The following PASD1 variants were observed in gnomAD, a reference collection of about 807,000 sequenced individuals.
PASD1 encodes the protein circadian clock protein PASD1.
In PASD1, 13 loss-of-function variants were observed where a neutral mutation model predicts 58.8. The observed-to-expected ratio is 0.22, with a 90% CI of 0.14 to 0.35. The LOEUF (loss-of-function observed/expected upper bound fraction) is 0.35. Among genes scored for constraint, PASD1 ranks in the 10% least tolerant of loss-of-function variants. The probability of loss-of-function intolerance (pLI) is 1.00; values close to 1 mark genes in which losing one functional copy is unlikely to be tolerated. For synonymous variants in PASD1, 236 were observed against 216.7 expected, an observed-to-expected ratio of 1.09 and a Z score of -0.78; for missense variants, 734 against 568.3, an observed-to-expected ratio of 1.29 and a Z score of -2.96.
At chrX:151,597,493 T>C (rs1225827491) in intron 1 of PASD1, among the ~76,000 whole-genome samples, 1 of 111,908 alleles carries the variant, frequency 8.9e-6, no homozygotes, top group Non-Finnish European at 1.9e-5. Context: ...CTTTTTACTA[T>C]GTTGTATTTA....
intron 8 of PASD1, among the ~76,000 whole-genome samples, chrX:151,643,052 G>C (rs1422296592): frequency 1.8e-5 from 2 of 111,925 alleles, no homozygotes; most frequent in African/African-American, 6.5e-5. Flanking sequence ...TCCAACGATA[G>C]TCTTAAACTC....
At chrX:151,617,084 C>T (rs900665341) in intron 4 of PASD1, among the ~76,000 whole-genome samples, 1 of 111,351 alleles carries the variant, frequency 9.0e-6, no homozygotes, top group African/African-American at 3.3e-5. Flanking sequence ...ATTTGTGTGA[C>T]AACTAATAGA....
At position 151,664,282 on chromosome X, in the gene PASD1, A is replaced by C; in HGVS notation, c.1005A>C (p.Ala335=). ...PENPVAPLDQ[A]GLMDPVDPED... is the part of the protein sequence containing the mutation. ...ACCCAGTTGCCCCGTTGGACCAGGC[A>C]GGCCTGATGGATCCAGTGGATCCAG... Residue 335 remains alanine (A), a synonymous_variant, in exon 11 of 16, where the codon GCA becomes GCC. Coordinates refer to ENST00000370357, the MANE Select transcript of PASD1 (RefSeq NM_173493.3). The C allele has an allele frequency of 1.7e-6, 2 of 1,211,519 alleles. No homozygotes were observed. The highest frequency in any genetic ancestry group is 2.2e-6 in the Non-Finnish European group (2 of 895,432).
chrX:151,625,053 CTATTT>C (rs1458373791), intron 7 of PASD1, among the ~76,000 whole-genome samples: 7 of 112,178 alleles, frequency 6.2e-5, no homozygotes, highest in African/African-American at 2.3e-4. Flanking sequence ...ACAAGGAACT[CTATTT>C]GTGTTCTAGT....
At chrX:151,606,994 A>G (rs1468534441) in intron 3 of PASD1, among the ~76,000 whole-genome samples, 1 of 111,794 alleles carries the variant, frequency 8.9e-6, no homozygotes, top group East Asian at 2.8e-4. Flanking sequence ...AACACTTAAA[A>G]AAATAGTACA....
chrX:151,671,549 C>G (rs942593089), intron 12 of PASD1, 24 bp from the exon 13 acceptor site: 1 of 1,200,323 alleles, frequency 8.3e-7, no homozygotes, highest in Admixed American at 2.2e-5. Context: ...TGAATAAGAC[C>G]TTTGTGATAC....
chrX:151,636,812 A>G (rs1416173329), intron 8 of PASD1, among the ~76,000 whole-genome samples: 1 of 111,447 alleles, frequency 9.0e-6, no homozygotes, highest in Non-Finnish European at 1.9e-5. Context: ...AGAAAGCTAT[A>G]GATTCATTCA....
chrX:151,616,884 C>T (rs2013643857), intron 4 of PASD1, among the ~76,000 whole-genome samples: 1 of 111,232 alleles, frequency 9.0e-6, no homozygotes, highest in African/African-American at 3.3e-5. Flanking sequence ...CTGCCTAAAT[C>T]TCCTGCAGAG....
intron 1 of PASD1, among the ~76,000 whole-genome samples, chrX:151,598,398 A>C (rs1049982225): frequency 9.0e-6 from 1 of 111,293 alleles, no homozygotes; most frequent in Non-Finnish European, 1.9e-5. Flanking sequence ...TTTCACTGTG[A>C]TATTTCTAGG....
chrX:151,614,840 T>TA (rs2013617884), intron 4 of PASD1, among the ~76,000 whole-genome samples: 1 of 111,605 alleles, frequency 9.0e-6, no homozygotes, highest in Non-Finnish European at 1.9e-5. Flanking sequence ...TATACCCTTT[T>TA]AAAAAAAATT....
At position 151,676,039 on chromosome X, in the gene PASD1, C is replaced by T; in HGVS notation, c.2218C>T (p.Gln740Ter). ...EVGVEGPPDP[Q>*]AFQGPAAYQP... is the part of the protein sequence containing the mutation. The stretch of plus-strand genomic sequence containing the variant: ...AGGAGTCGAGGGACCTCCTGATCCA[C>T]AGGCTTTCCAAGGCCCTGCTGCATA... Residue 740 changes from glutamine to a stop codon, truncating the protein, a stop_gained, in exon 16 of 16, where the codon CAG (glutamine) becomes TAG (stop). Coordinates refer to ENST00000370357, the MANE Select transcript of PASD1 (RefSeq NM_173493.3). LOFTEE classifies it low-confidence loss of function (END_TRUNC). The T allele has an allele frequency of 1.7e-6, 2 of 1,211,460 alleles. No individual in the cohort carries two copies. Among genetic ancestry groups the T allele is most frequent in the East Asian group, 3.0e-5 (1 of 33,844 alleles).
At chrX:151,600,649 C>T (rs961937260) in intron 1 of PASD1, among the ~76,000 whole-genome samples, 12 of 109,960 alleles carry the variant, frequency 1.1e-4, no homozygotes, top group Admixed American at 3.9e-4. Flanking sequence ...AATTCCACTT[C>T]GCTGTTTGGG....
In PASD1 at chrX:151,613,631, G is replaced by C. The variant is rs1028580127; in HGVS notation, c.207+1878G>C. On this transcript the variant is annotated intron_variant, in intron 4 of 15. Coordinates refer to ENST00000370357, the MANE Select transcript of PASD1 (RefSeq NM_173493.3). ...TTGGCTCTCTTGTTTGTCTGATATT[G>C]GTGTATGAGAATGCTGGTGATTTTT... Among the ~76,000 whole-genome samples, 45 of 111,446 alleles carry C rather than the reference G, an allele frequency of 4.0e-4. 1 individual carries two copies. Among genetic ancestry groups the C allele is most frequent in the Middle Eastern group, 4.6e-3 (1 of 219 alleles).
At chrX:151,611,863 A>G (rs910100590) in intron 4 of PASD1, 110 bp downstream of exon 4, 2 of 516,707 alleles carry the variant, frequency 3.9e-6, no homozygotes, top group Non-Finnish European at 6.2e-6. Flanking sequence ...ACATGTGCAC[A>G]ACGTGCAGGT....
At chrX:151,582,927 A>T (rs2013118704) in intron 1 of PASD1, among the ~76,000 whole-genome samples, 1 of 112,152 alleles carries the variant, frequency 8.9e-6, no homozygotes, top group Non-Finnish European at 1.9e-5. Context: ...CTGAAAAGTT[A>T]TTGGACATAA....
chrX:151,631,035 T>C (rs1356828744), intron 8 of PASD1, among the ~76,000 whole-genome samples: 2 of 112,240 alleles, frequency 1.8e-5, no homozygotes, highest in Non-Finnish European at 3.8e-5. Context: ...GCTGTCTTGC[T>C]ACTGCTAAGA....
intron 3 of PASD1, among the ~76,000 whole-genome samples, chrX:151,610,430 C>G (rs2013541345): frequency 9.0e-6 from 1 of 110,760 alleles, no homozygotes; most frequent in African/African-American, 3.3e-5. Context: ...TCTCTTGTTT[C>G]TTCATATTTC....
At chrX:151,571,276 A>G (rs1422055388) in intron 1 of PASD1, among the ~76,000 whole-genome samples, 1 of 111,853 alleles carries the variant, frequency 8.9e-6, no homozygotes. Flanking sequence ...ATTATGCAAA[A>G]CAACATTATG....
In PASD1 at chrX:151,649,142, A is replaced by G. The variant is rs2014099557; in HGVS notation, c.717+440A>G. 2.7e-5 allele frequency among the ~76,000 whole-genome samples: 3 copies of G among 111,892 alleles called. No homozygotes were observed. The Admixed American group carries it at 2.8e-4, about 11-fold the overall frequency. On this transcript the variant is annotated intron_variant, in intron 9 of 15. Transcript: ENST00000370357. The stretch of plus-strand genomic sequence containing the variant: ...CCTTAAGGGACATACATTAATAGAA[A>G]TCTACCTGGGTCTACCCTCAGTGAT...
Sources: allele counts gnomAD v4.1 joint callset (sites outside exome capture counted in the v4.1 genomes callset), GRCh38; gene constraint gnomAD v4.1.1; transcripts MANE v1.5; gene names NCBI Gene and HGNC (gene_info 2026-07-23, HGNC 2026-07-21).